NR4A1: variants seen among roughly 807,000 people sequenced by gnomAD.
NR4A1 encodes nuclear receptor subfamily 4immunitygroup A member 1.
A neutral mutation model predicts 47.5 loss-of-function variants in NR4A1; 24 were observed. The observed-to-expected ratio is 0.50, with a 90% CI of 0.37 to 0.71. NR4A1 has a LOEUF of 0.71. Among genes scored for constraint, NR4A1 ranks in the 30% least tolerant of loss-of-function variants. The pLI is 0.00. For missense variants in NR4A1, 669 were observed against 788.6 expected (o/e 0.85, Z 1.82); for synonymous variants, 353 against 345.7 (o/e 1.02, Z -0.24).
intron 2 of NR4A1, among the ~76,000 whole-genome samples, chr12:52,044,813 C>T (rs1465191517): frequency 6.6e-6 from 1 of 152,090 alleles, no homozygotes; most frequent in Non-Finnish European, 1.5e-5. Context: ...TGGCCAGGAG[C>T]TGAAGAGACT....
Position 52,057,356 on chromosome 12 carries a change from A to G in NR4A1, c.1366A>G (p.Lys456Glu). 5.0e-6 allele frequency: 8 copies of G among 1,614,162 alleles called. No individual in the cohort carries two copies. Among genetic ancestry groups the G allele is most frequent in the Non-Finnish European group, 6.8e-6 (8 of 1,180,024 alleles). ...TCGTGCCCATCTGCCTGCCAGGTCTAAGCCAGGCGAGGGCAAGCTCATCTT... is the reference window on the plus strand; with the variant it reads ...TCGTGCCCATCTGCCTGCCAGGTCTGAGCCAGGCGAGGGCAAGCTCATCTT... ...LFILRLAYRS[K>E]PGEGKLIFCS... Residue 456 changes from lysine to glutamate, a missense_variant, in exon 6 of 7, where the codon AAG (lysine) becomes GAG (glutamate). Lys to Glu is a moderately conservative substitution (Grantham distance 56, BLOSUM62 1). Transcript: ENST00000394825.
chr12:52,058,889 T>C lies in NR4A1; in HGVS notation c.1742T>C (p.Leu581Ser). The change falls in exon 7 of 7, where the codon TTG (leucine) becomes TCG (serine). Residue 581 changes from leucine to serine, a missense_variant. By Grantham distance (145) the Leu-to-Ser change is moderately radical. Coordinates refer to ENST00000394825, the MANE Select transcript of NR4A1 (RefSeq NM_173157.3). ...ATCTTCTACCTCAAGCTGGAGGACT[T>C]GGTGCCCCCTCCACCCATCATTGAC... ...QRIFYLKLED[L>S]VPPPPIIDKI... 6.2e-7 allele frequency: 1 copy of C among 1,614,042 alleles called. No homozygotes were observed. The highest frequency in any genetic ancestry group is 8.5e-7 in the Non-Finnish European group (1 of 1,179,896).
intron 1 of NR4A1, among the ~76,000 whole-genome samples, chr12:52,023,788 A>G (rs1242478270): frequency 1.3e-5 from 2 of 151,880 alleles, no homozygotes; most frequent in African/African-American, 2.4e-5. Flanking sequence ...CGCTCCTCAC[A>G]GGGTGCTGTG....
chr12:52,032,818 AT>A (rs1292552760), intron 1 of NR4A1, among the ~76,000 whole-genome samples: 3 of 152,158 alleles, frequency 2.0e-5, no homozygotes, highest in Non-Finnish European at 4.4e-5. Flanking sequence ...CAGCTCAAGA[AT>A]TAAGGGTGCT....
At chr12:52,037,033 G>A (rs1938259046) in intron 1 of NR4A1, 1 of 151,866 alleles carries the variant, frequency 6.6e-6, no homozygotes, top group African/African-American at 2.4e-5. Context: ...GGCTATTCCG[G>A]GCGCCGCTAT....
At chr12:52,049,209 C>T (rs2120368882), upstream of NR4A1, among the ~76,000 whole-genome samples, 1 of 152,226 alleles carries the variant, frequency 6.6e-6, no homozygotes, top group South Asian at 2.1e-4. Context: ...CCCTGTGGAA[C>T]CTGTAGATAC....
At chr12:52,041,827 A>C (rs1426504843) in exon 2 of NR4A1, 2 of 1,457,972 alleles carry the variant, frequency 1.4e-6, no homozygotes, top group South Asian at 3.1e-5. Context: ...CCATGGACAG[A>C]GGCCAGGCCC....
At chr12:52,038,907 C>T (rs1418903489) in intron 1 of NR4A1, among the ~76,000 whole-genome samples, 1 of 152,222 alleles carries the variant, frequency 6.6e-6, no homozygotes, top group Admixed American at 6.5e-5. Context: ...TTCTGCCCTG[C>T]TCTCTGGATG....
intron 2 of NR4A1, 38 bp from the exon 3 acceptor site, chr12:52,055,992 C>A: frequency 3.9e-6 from 5 of 1,292,302 alleles, no homozygotes; most frequent in African/African-American, 1.5e-5. Flanking sequence ...CCCCACCCCA[C>A]ACTCTGACAG....
intron 2 of NR4A1, chr12:52,044,032 C>A: frequency 1.4e-6 from 1 of 728,614 alleles, no homozygotes; most frequent in Non-Finnish European, 2.0e-6. Flanking sequence ...GGGTGGCCGA[C>A]AACTGGAGGC....
chr12:52,048,366 G>A (rs908037613), upstream of NR4A1, among the ~76,000 whole-genome samples: 2 of 151,672 alleles, frequency 1.3e-5, no homozygotes, highest in Non-Finnish European at 2.9e-5. Flanking sequence ...AGGCCAAGGC[G>A]GGCAGATCAC....
At position 52,054,386 on chromosome 12, in the gene NR4A1, C is replaced by T; in HGVS notation, c.58C>T (p.His20Tyr). The T allele has an allele frequency of 1.2e-6, 2 of 1,613,628 alleles. No individual in the cohort carries two copies. The highest frequency in any genetic ancestry group is 1.1e-5 in the South Asian group (1 of 91,058). Residue 20 changes from histidine (H) to tyrosine (Y), a missense_variant, in exon 2 of 7, where the codon CAC becomes TAC. Coordinates refer to ENST00000394825, the MANE Select transcript of NR4A1 (RefSeq NM_173157.3). ...AGCACCGAGTCCGGGACCCCGTGAC[C>T]ACCTGGCAAGCGACCCCCTGACCCC... ...TPAPSPGPRD[H>Y]LASDPLTPEF... is the part of the protein sequence containing the mutation.
chr12:52,046,922 C>G (rs949596502), upstream of NR4A1, among the ~76,000 whole-genome samples: 1 of 152,104 alleles, frequency 6.6e-6, no homozygotes, highest in Non-Finnish European at 1.5e-5. Flanking sequence ...GTGGGTGAAA[C>G]AGTATGTGCA....
Position 52,057,467 on chromosome 12 carries a change from C to G in NR4A1, c.1477C>G (p.Leu493Val). 2 of 1,614,244 alleles carry G rather than the reference C, an allele frequency of 1.2e-6. No individual in the cohort carries two copies. Among genetic ancestry groups the G allele is most frequent in the Non-Finnish European group, 1.7e-6 (2 of 1,180,042 alleles). The change falls in exon 6 of 7, where the codon CTG (leucine) becomes GTG (valine). Residue 493 changes from leucine to valine, a missense_variant. Leu to Val is a conservative substitution (Grantham distance 32). Transcript: ENST00000394825. ...IDSILAFSRS[L>V]HSLLVDVPAF... ...CAGTATCCTGGCCTTCTCAAGGTCCCTGCACAGCTTGCTTGTCGATGTCCC... is the reference window on the plus strand; with the variant it reads ...CAGTATCCTGGCCTTCTCAAGGTCCGTGCACAGCTTGCTTGTCGATGTCCC...
chr12:52,054,802 C>A lies in NR4A1; in HGVS notation c.474C>A (p.Phe158Leu). 4.3e-6 allele frequency: 7 copies of A among 1,613,258 alleles called. No individual in the cohort carries two copies. The highest frequency in any genetic ancestry group is 5.9e-6 in the Non-Finnish European group (7 of 1,179,948). Residue 158 changes from phenylalanine to leucine, a missense_variant, in exon 2 of 7, where the codon TTC (phenylalanine) becomes TTA (leucine). By Grantham distance (22) the Phe-to-Leu change is conservative. Coordinates refer to ENST00000394825, the MANE Select transcript of NR4A1 (RefSeq NM_173157.3). ...AGCTCTCTCCCTGGGATGGCTCCTTCGGCCACTTCTCGCCCAGCCAGACTT... is the reference window on the plus strand; with the variant it reads ...AGCTCTCTCCCTGGGATGGCTCCTTAGGCCACTTCTCGCCCAGCCAGACTT... ...PPQLSPWDGSFGHFSPSQTYE... is the reference protein window; with the variant it reads ...PPQLSPWDGSLGHFSPSQTYE...
At position 52,054,485 on chromosome 12, in the gene NR4A1, T is replaced by G; in HGVS notation, c.157T>G (p.Phe53Val). ...CGCTGCCCCCACTGCCCTGCCCAGC[T>G]TCAGCACCTTCATGGACGGCTACAC... ...APAAPTALPS[F>V]STFMDGYTGE... Residue 53 changes from phenylalanine to valine, a missense_variant, in exon 2 of 7, where the codon TTC becomes GTC. Phe to Val is a conservative substitution (Grantham distance 50). Transcript: ENST00000394825. The G allele has an allele frequency of 6.2e-7, 1 of 1,613,822 alleles. No individual in the cohort carries two copies. Among genetic ancestry groups the G allele is most frequent in the Admixed American group, 1.7e-5 (1 of 60,022 alleles).
chr12:52,042,007 C>A, intron 2 of NR4A1: 26 of 1,234,610 alleles, frequency 2.1e-5, no homozygotes, highest in Non-Finnish European at 2.6e-5. Context: ...TGGAGCTGCC[C>A]AAAGCGGATG....
intron 4 of NR4A1, 86 bp downstream of exon 4, chr12:52,056,731 G>A: frequency 1.0e-6 from 1 of 960,344 alleles, no homozygotes; most frequent in Non-Finnish European, 1.4e-6. Context: ...ACCCCCTCTG[G>A]AAGGACTGAA....
At chr12:52,037,313 G>T in intron 1 of NR4A1, 1 of 955,058 alleles carries the variant, frequency 1.0e-6, no homozygotes, top group Non-Finnish European at 1.2e-6. Flanking sequence ...ACTGGCGGGG[G>T]TCCCCTCGCG....
Sources: gnomAD v4.1 joint callset for allele counts (sites outside exome capture counted in the v4.1 genomes callset) on GRCh38, gnomAD v4.1.1 for gene constraint, MANE v1.5 for transcripts, NCBI Gene and HGNC (gene_info 2026-07-23, HGNC 2026-07-21) for gene names.